ZNF610: variants seen among roughly 807,000 people sequenced by gnomAD.
ZNF610 encodes the protein zinc finger protein 610.
ZNF610 carries 14 observed loss-of-function variants against 14.1 expected under a neutral mutation model. The observed-to-expected ratio is 0.99, with a 90% confidence interval of 0.65 to 1.55. ZNF610 has a LOEUF of 1.55. ZNF610 is among the 40% of genes most tolerant of loss of function. The probability of loss-of-function intolerance (pLI) is 0.00; values close to 1 mark genes in which losing one functional copy is unlikely to be tolerated. For missense variants in ZNF610, 530 were observed against 558.0 expected, an observed-to-expected ratio of 0.95 and a Z score of 0.51; for synonymous variants, 185 against 187.6, an observed-to-expected ratio of 0.99 and a Z score of 0.11.
At chr19:52,357,759 A>C (rs1985601020) in intron 5 of ZNF610, among the ~76,000 whole-genome samples, 1 of 151,992 alleles carries the variant, frequency 6.6e-6, no homozygotes, top group Non-Finnish European at 1.5e-5. Context: ...TTAAGGCTGC[A>C]GTGAGCTATG....
chr19:52,336,936 A>G (rs950084458), intron 1 of ZNF610, among the ~76,000 whole-genome samples: 7 of 152,234 alleles, frequency 4.6e-5, no homozygotes, highest in African/African-American at 1.7e-4. Flanking sequence ...CTGCCTATGG[A>G]TGTGTGGGGA....
At chr19:52,362,772 A>G (rs2122288053) in intron 5 of ZNF610, among the ~76,000 whole-genome samples, 1 of 152,286 alleles carries the variant, frequency 6.6e-6, no homozygotes, top group East Asian at 1.9e-4. Context: ...ATGGGAATCA[A>G]TACTTTGTAG....
At chr19:52,360,038 GC>G (rs1985706075) in intron 5 of ZNF610, among the ~76,000 whole-genome samples, 1 of 152,172 alleles carries the variant, frequency 6.6e-6, no homozygotes, top group South Asian at 2.1e-4. Context: ...TGCCCTCCCT[GC>G]GACCAGCATC....
At chr19:52,354,726 G>C (rs1025263933) in intron 5 of ZNF610, among the ~76,000 whole-genome samples, 1 of 151,430 alleles carries the variant, frequency 6.6e-6, no homozygotes, top group Non-Finnish European at 1.5e-5. Flanking sequence ...TTACAGGCAT[G>C]TGTCACCACA....
chr19:52,367,613 T>C lies in ZNF610; in HGVS notation c.*846T>C, dbSNP rs1008016274. The C allele has an allele frequency of 2.6e-4, 40 of 151,990 alleles. No individual in the cohort carries two copies. The highest frequency in any genetic ancestry group is 9.7e-4 in the African/African-American group (40 of 41,326). 9.4% of individuals were successfully genotyped at this position (151,990 alleles called of 1,614,324 possible). A position where few individuals can be genotyped will look rare whatever the true frequency, so the allele number is the denominator to read the frequency against. On this transcript the variant is annotated 3_prime_UTR_variant, in exon 6 of 6. Coordinates refer to ENST00000403906, the MANE Select transcript of ZNF610 (RefSeq NM_001161425.2). Reference sequence around the variant, plus strand: ...ACAACATACGCTTCTGGGTGCAATATACTTAAGTAAGTATGATGTTGAGTA... The same window carrying C: ...ACAACATACGCTTCTGGGTGCAATACACTTAAGTAAGTATGATGTTGAGTA...
In ZNF610 at chr19:52,365,774, T is replaced by G; in HGVS notation, c.396T>G (p.His132Gln). The part of the protein sequence containing the change: ...KNQLGLTLEA[H>Q]LSELQLFQAG... ...AACTTGGATTAACCCTTGAGGCACATCTGTCTGAATTGCAGCTGTTTCAAG... is the reference window on the plus strand; with the variant it reads ...AACTTGGATTAACCCTTGAGGCACAGCTGTCTGAATTGCAGCTGTTTCAAG... The change falls in exon 6 of 6, where the codon CAT (histidine) becomes CAG (glutamine). Residue 132 changes from histidine to glutamine, a missense_variant. Physicochemically the swap from His to Gln is conservative, Grantham distance 24. Transcript: ENST00000403906. The G allele has an allele frequency of 6.2e-7, 1 of 1,614,192 alleles. No homozygotes were observed. Among genetic ancestry groups the G allele is most frequent in the Non-Finnish European group, 8.5e-7 (1 of 1,180,042 alleles).
chr19:52,366,671 T>C lies in ZNF610; in HGVS notation c.1293T>C (p.Asn431=). 6.2e-7 allele frequency: 1 copy of C among 1,614,238 alleles called. No individual in the cohort carries two copies. Among genetic ancestry groups the C allele is most frequent in the Non-Finnish European group, 8.5e-7 (1 of 1,180,042 alleles). The stretch of plus-strand genomic sequence containing the variant: ...CTGGAGAGAGACCTTACAAGTGTAA[T>C]GCATGTGGCAAGGTCTTCAATCAAA... The part of the protein sequence containing the change: ...IHTGERPYKC[N]ACGKVFNQNP... The change falls in exon 6 of 6, where the codon AAT becomes AAC. Residue 431 remains asparagine (N), a synonymous_variant. Transcript: ENST00000403906.
intron 1 of ZNF610, among the ~76,000 whole-genome samples, chr19:52,343,191 G>T (rs1397216340): frequency 6.6e-6 from 1 of 152,120 alleles, no homozygotes; most frequent in African/African-American, 2.4e-5. Flanking sequence ...AAGTAAACCT[G>T]TCAAATGTAT....
In ZNF610 at chr19:52,366,662, C is replaced by T. The variant is rs1986093666; in HGVS notation, c.1284C>T (p.Tyr428=). Residue 428 remains tyrosine (Y), a synonymous_variant, in exon 6 of 6, where the codon TAC becomes TAT. Transcript: ENST00000403906. ...HQRIHTGERP[Y]KCNACGKVFN... The stretch of plus-strand genomic sequence containing the variant: ...GAATTCATACTGGAGAGAGACCTTA[C>T]AAGTGTAATGCATGTGGCAAGGTCT... 2 of 1,614,196 alleles carry T rather than the reference C, an allele frequency of 1.2e-6. No homozygotes were observed. Among genetic ancestry groups the T allele is most frequent in the African/African-American group, 1.3e-5 (1 of 75,058 alleles).
At chr19:52,364,614 G>A (rs1330349579) in intron 5 of ZNF610, among the ~76,000 whole-genome samples, 1 of 152,188 alleles carries the variant, frequency 6.6e-6, no homozygotes, top group Non-Finnish European at 1.5e-5. Flanking sequence ...CCAGGCTAGA[G>A]TGCTGTGGCG....
At chr19:52,338,165 A>G (rs948275089) in intron 1 of ZNF610, among the ~76,000 whole-genome samples, 2 of 152,244 alleles carry the variant, frequency 1.3e-5, no homozygotes, top group African/African-American at 4.8e-5. Context: ...CTCCCACTTC[A>G]GGTGCCACTT....
intron 1 of ZNF610, among the ~76,000 whole-genome samples, chr19:52,342,155 C>G (rs1984717007): frequency 6.6e-6 from 1 of 152,168 alleles, no homozygotes; most frequent in Non-Finnish European, 1.5e-5. Flanking sequence ...GTTGTCCAGA[C>G]TGGTCTTAAA....
chr19:52,354,517 A>G (rs1308233878), intron 5 of ZNF610, 138 bp downstream of exon 5: 20 of 975,454 alleles, frequency 2.1e-5, no homozygotes, highest in Non-Finnish European at 2.7e-5. Flanking sequence ...GACTCAAGCA[A>G]TCCTCCTGCC....
At chr19:52,359,027 CA>C (rs1985660748) in intron 5 of ZNF610, among the ~76,000 whole-genome samples, 1 of 152,162 alleles carries the variant, frequency 6.6e-6, no homozygotes, top group Admixed American at 6.6e-5. Context: ...CATGGCAGTA[CA>C]GTTCTATTTT....
At chr19:52,353,497 A>G (rs2122232041) in intron 3 of ZNF610, among the ~76,000 whole-genome samples, 185 bp from the exon 4 acceptor site, 1 of 152,310 alleles carries the variant, frequency 6.6e-6, no homozygotes, top group East Asian at 1.9e-4. Flanking sequence ...GTAAAACCCC[A>G]TCTGAATTTT....
rs1297489330 is a variant in ZNF610, at chr19:52,367,670, T to C, written c.*903T>C. Reference sequence around the variant, plus strand: ...CTTAGTACTTGAGTTAGTTTCTCTGTACTCTGGTGTAGGATGTTTATGTGG... The same window carrying C: ...CTTAGTACTTGAGTTAGTTTCTCTGCACTCTGGTGTAGGATGTTTATGTGG... On this transcript the variant is annotated 3_prime_UTR_variant, in exon 6 of 6. Transcript: ENST00000403906. The C allele has an allele frequency of 6.6e-6, 1 of 150,718 alleles. No homozygotes were observed. The highest frequency in any genetic ancestry group is 1.5e-5 in the Non-Finnish European group (1 of 67,874). 9.3% of individuals were successfully genotyped at this position (150,718 alleles called of 1,614,324 possible).
chr19:52,343,088 A>G (rs1291359642), intron 1 of ZNF610, among the ~76,000 whole-genome samples: 5 of 151,740 alleles, frequency 3.3e-5, no homozygotes, highest in Non-Finnish European at 7.4e-5. Flanking sequence ...CTCCACCTTC[A>G]TATGTCCAAA....
At position 52,366,370 on chromosome 19, in the gene ZNF610, T is replaced by C; in HGVS notation, c.992T>C (p.Leu331Pro). Residue 331 changes from leucine (L) to proline (P), a missense_variant, in exon 6 of 6, where the codon CTA becomes CCA. Coordinates refer to ENST00000403906, the MANE Select transcript of ZNF610 (RefSeq NM_001161425.2). ...AAGAACTTCAGGCACAAATTTTCTC[T>C]AACCAATCATCAGAGAAGTCACACG... Reference protein sequence around the residue: ...CGKNFRHKFSLTNHQRSHTAE... With the variant: ...CGKNFRHKFSPTNHQRSHTAE... 6.2e-7 allele frequency: 1 copy of C among 1,614,002 alleles called. No homozygotes were observed. The highest frequency in any genetic ancestry group is 8.5e-7 in the Non-Finnish European group (1 of 1,179,998).
At chr19:52,354,135 T>G in intron 4 of ZNF610, 116 bp from the exon 5 acceptor site, 1 of 1,415,200 alleles carries the variant, frequency 7.1e-7, no homozygotes, top group Admixed American at 2.1e-5. Context: ...AGTCTGTGGG[T>G]GAACTTGTGA....
Sources: gnomAD v4.1 joint callset for allele counts (sites outside exome capture counted in the v4.1 genomes callset) on GRCh38, gnomAD v4.1.1 for gene constraint, MANE v1.5 for transcripts, NCBI Gene and HGNC (gene_info 2026-07-23, HGNC 2026-07-21) for gene names.